LINC00632: variants seen among roughly 807,000 people sequenced by gnomAD.
LINC00632 encodes the protein long independently transcribed non-coding RNA 632, also known as ALDOA related specific transcript.
intron 2 of LINC00632, among the ~76,000 whole-genome samples, chrX:140,721,125 C>T (rs1417332826): frequency 8.9e-6 from 1 of 111,747 alleles, no homozygotes; most frequent in East Asian, 2.8e-4. Context: ...ACAAAGACCC[C>T]CAAAATGTTT....
At chrX:140,778,907 T>C (rs2148403972) in exon 5 of LINC00632, among the ~76,000 whole-genome samples, 1 of 112,045 alleles carries the variant, frequency 8.9e-6, no homozygotes, top group South Asian at 3.7e-4. Context: ...TTTAAGACAA[T>C]ATCCAGTTAA....
chrX:140,723,647 TACAC>T (rs200301368), intron 2 of LINC00632, among the ~76,000 whole-genome samples: 2 of 6,004 alleles, frequency 3.3e-4, no homozygotes, highest in Admixed American at 2.6e-3. Context: ...ACACATTCCA[TACAC>T]ACACACATTC....
At chrX:140,734,151 T>G (rs1048225485) in intron 3 of LINC00632, among the ~76,000 whole-genome samples, 1 of 111,950 alleles carries the variant, frequency 8.9e-6, no homozygotes, top group African/African-American at 3.3e-5. Flanking sequence ...CCCCCTGCCG[T>G]CCCAAATTTC....
At chrX:140,773,414 C>A (rs933840315) in exon 4 of LINC00632, among the ~76,000 whole-genome samples, 5 of 112,375 alleles carry the variant, frequency 4.4e-5, no homozygotes, top group African/African-American at 1.6e-4. Context: ...TATTGCAAAG[C>A]ATGAGAAAAG....
rs1369652328 is a variant in LINC00632, at chrX:140,768,793, A to G, written n.192-3285A>G. On this transcript the variant is annotated intron_variant and non_coding_transcript_variant, in intron 3 of 4. Transcript: ENST00000648200. The stretch of plus-strand genomic sequence containing the variant: ...ATATATTATATATATTTGTATATGT[A>G]TAGATTAGTGTATAAGTATATATAT... Among the ~76,000 whole-genome samples the G allele has an allele frequency of 4.9e-5, 5 of 101,249 alleles. No individual in the cohort carries two copies. In the East Asian group the frequency reaches 1.5e-3, roughly 29 times the overall value. 87.9% of individuals were successfully genotyped at this position (101,249 alleles called of 115,157 possible). A position where few individuals can be genotyped will look rare whatever the true frequency, so the allele number is the denominator to read the frequency against.
At chrX:140,766,987 G>T in intron 3 of LINC00632, among the ~76,000 whole-genome samples, 1 of 111,970 alleles carries the variant, frequency 8.9e-6, no homozygotes, top group South Asian at 3.7e-4. Context: ...TTTGCTCATT[G>T]TTATGCTACA....
At position 140,713,607 on chromosome X, in the gene LINC00632, C is replaced by G. The variant is rs138053943; in HGVS notation, n.104+1951C>G. On this transcript the variant is annotated intron_variant and non_coding_transcript_variant, in intron 2 of 4. Transcript: ENST00000648200. ...ACACACTGACCAGATAACACAAACA[C>G]ATTTACCCCCACAGCACCTAGACTC... The G allele has an allele frequency of 1.5e-3, 516 of 340,596 alleles. 3 individuals carry two copies. The highest frequency in any genetic ancestry group is 0.012 in the African/African-American group (458 of 37,335). The allele number at this position is 340,596 out of a possible 1,213,427, so 28.1% of individuals were successfully genotyped here. A position where few individuals can be genotyped will look rare whatever the true frequency, so the allele number is the denominator to read the frequency against.
chrX:140,720,332 A>G (rs771806822), intron 2 of LINC00632, among the ~76,000 whole-genome samples: 1 of 111,227 alleles, frequency 9.0e-6, no homozygotes, highest in East Asian at 2.8e-4. Context: ...ACCCCACTTC[A>G]ACTAGCCTTG....
intron 3 of LINC00632, among the ~76,000 whole-genome samples, chrX:140,739,482 A>G (rs1378388427): frequency 9.0e-6 from 1 of 111,029 alleles, no homozygotes; most frequent in Non-Finnish European, 1.9e-5. Context: ...TGGCCTCCCA[A>G]AGTGCTGGGA....
chrX:140,769,140 G>A (rs1427560795), intron 3 of LINC00632, among the ~76,000 whole-genome samples: 1 of 111,473 alleles, frequency 9.0e-6, no homozygotes, highest in African/African-American at 3.3e-5. Context: ...CAAGGTCACC[G>A]ATGGTCAGTT....
intron 3 of LINC00632, among the ~76,000 whole-genome samples, chrX:140,747,529 CAAAA>C (rs376796176): frequency 4.7e-5 from 3 of 63,244 alleles, no homozygotes; most frequent in Non-Finnish European, 5.7e-5. Flanking sequence ...AAACTCCATC[CAAAA>C]AAAAAAAAAA....
intron 2 of LINC00632, among the ~76,000 whole-genome samples, chrX:140,733,401 A>G (rs975353335): frequency 1.8e-5 from 2 of 111,839 alleles, no homozygotes; most frequent in Non-Finnish European, 3.8e-5. Flanking sequence ...AAAAAAAAAA[A>G]CCTGCATTTT....
intron 2 of LINC00632, among the ~76,000 whole-genome samples, chrX:140,720,082 G>A (rs755650806): frequency 3.2e-4 from 31 of 96,964 alleles, no homozygotes; most frequent in African/African-American, 1.2e-3. Context: ...GCAAGACTCC[G>A]TCTCAAAAAA....
At chrX:140,743,330 C>T (rs141731575) in intron 3 of LINC00632, among the ~76,000 whole-genome samples, 7 of 105,194 alleles carry the variant, frequency 6.7e-5, no homozygotes, top group African/African-American at 1.5e-4. Context: ...GACAGGGACA[C>T]GCAGATGAGA....
intron 3 of LINC00632, among the ~76,000 whole-genome samples, chrX:140,757,847 G>A (rs189998324): frequency 1.3e-4 from 14 of 111,790 alleles, no homozygotes; most frequent in Admixed American, 4.7e-4. Context: ...GATTACAGGC[G>A]TGAGACACCA....
intron 3 of LINC00632, among the ~76,000 whole-genome samples, chrX:140,759,340 CCTTCCTTT>C (rs1167531067): frequency 0.033 from 1,140 of 34,031 alleles, 17 homozygotes; most frequent in African/African-American, 0.071. Context: ...TTCCTTCCTT[CCTTCCTTT>C]CTTTCTTTCT....
At chrX:140,729,417 G>T (rs183650567) in intron 2 of LINC00632, among the ~76,000 whole-genome samples, 1 of 110,654 alleles carries the variant, frequency 9.0e-6, no homozygotes, top group Non-Finnish European at 1.9e-5. Context: ...TTCCTGTAAC[G>T]CAGAGACACA....
At chrX:140,751,548 G>C (rs946596712) in intron 3 of LINC00632, among the ~76,000 whole-genome samples, 7 of 111,521 alleles carry the variant, frequency 6.3e-5, no homozygotes, top group African/African-American at 2.3e-4. Flanking sequence ...AGAGGCTTCA[G>C]TGTCTTTCCA....
At chrX:140,783,831 C>T in exon 5 of LINC00632, 1 of 1,211,066 alleles carries the variant, frequency 8.3e-7, no homozygotes, top group East Asian at 3.0e-5. Flanking sequence ...CCATGTCTTC[C>T]AGTAACCTCC....
Sources: allele counts gnomAD v4.1 joint callset (sites outside exome capture counted in the v4.1 genomes callset), GRCh38; gene constraint gnomAD v4.1.1; transcripts MANE v1.5; gene names NCBI Gene and HGNC (gene_info 2026-07-23, HGNC 2026-07-21).